ATAD3A: variants seen among roughly 807,000 people sequenced by gnomAD.
ATAD3A encodes ATPase family AAA domain containing 3A, also known as ATPase family AAA domain-containing protein 3A.
In ATAD3A, 46 loss-of-function variants were observed where a neutral mutation model predicts 73.8. The observed-to-expected ratio is 0.62, with a 90% CI of 0.49 to 0.80. ATAD3A has a LOEUF of 0.80. Among genes scored for constraint, ATAD3A ranks in the 30% least tolerant of loss-of-function variants. ATAD3A has a pLI of 0.00. For missense variants in ATAD3A, 705 were observed against 838.0 expected (o/e 0.84, Z 1.96); for synonymous variants, 319 against 350.0 (o/e 0.91, Z 0.99).
intron 4 of ATAD3A, among the ~76,000 whole-genome samples, chr1:1,518,040 GAC>G (rs1557459557): frequency 1.3e-5 from 2 of 151,252 alleles, no homozygotes; most frequent in Non-Finnish European, 3.0e-5. Context: ...AGCACACACA[GAC>G]AGGTGCACCC....
chr1:1,534,597 G>A lies in ATAD3A; in HGVS notation c.*525G>A, dbSNP rs1001505289. The A allele has an allele frequency of 2.4e-5, 5 of 211,924 alleles. No homozygotes were observed. Among genetic ancestry groups the A allele is most frequent in the Non-Finnish European group, 2.7e-5 (3 of 110,812 alleles). 13.1% of individuals were successfully genotyped at this position (211,924 alleles called of 1,614,324 possible). ...GGAGGGAGGAGGGAACCTGGCGGGG[G>A]TGTCTGAGGCCGCACTGTCAGCTGG... On this transcript the variant is annotated 3_prime_UTR_variant, in exon 16 of 16. Transcript: ENST00000378756.
chr1:1,533,713 G>A (rs1174876098), intron 15 of ATAD3A, among the ~76,000 whole-genome samples: 1 of 151,736 alleles, frequency 6.6e-6, no homozygotes, highest in African/African-American at 2.4e-5. Flanking sequence ...CAACAGCAGT[G>A]CTGAGGACGC....
intron 8 of ATAD3A, 86 bp downstream of exon 8, chr1:1,522,985 C>A: frequency 6.5e-7 from 1 of 1,540,748 alleles, no homozygotes. Flanking sequence ...CACACCCTCC[C>A]GTCCCTTCCC....
In ATAD3A at chr1:1,520,210, C is replaced by T. The variant is rs757888186; in HGVS notation, c.584C>T (p.Ala195Val). 42 of 1,611,930 alleles carry T rather than the reference C, an allele frequency of 2.6e-5. 1 individual carries two copies. The South Asian group carries it at 3.5e-4, about 13-fold the overall frequency. ...CTGCGAGTGGAGGCCGAGGCCCGGG[C>T]GCGCGCCAAGGCCGAGCGGGAGAAT... ...EMLRVEAEAR[A>V]RAKAERENAD... The change falls in exon 6 of 16, where the codon GCG (alanine) becomes GTG (valine). Residue 195 changes from alanine to valine, a missense_variant. Coordinates refer to ENST00000378756, the MANE Select transcript of ATAD3A (RefSeq NM_001170535.3). This position sits in a 1 kb window ranked among gnomAD's most constrained non-coding sequence, Gnocchi z 4.0.
chr1:1,523,764 C>G lies in ATAD3A; in HGVS notation c.964-75C>G. 3 of 1,605,434 alleles carry G rather than the reference C, an allele frequency of 1.9e-6. No homozygotes were observed. In the African/African-American group the frequency reaches 4.0e-5, roughly 21 times the overall value. ...CCGAGGAGCCGAGTCTGCACCCAGG[C>G]ATTCCCGCAGCCCCTTCCCCTGAGG... is the stretch of plus-strand genomic sequence containing the variant. On this transcript the variant is annotated intron_variant, in intron 9 of 15. Transcript: ENST00000378756. The surrounding 1 kb of genome is among the most constrained non-coding windows in gnomAD (Gnocchi z 5.1).
In ATAD3A at chr1:1,527,820, A is replaced by G. The variant is rs1641902354; in HGVS notation, c.1463A>G (p.Tyr488Cys). The change falls in exon 14 of 16, where the codon TAT (tyrosine) becomes TGT (cysteine). Residue 488 changes from tyrosine (Y) to cysteine (C), a missense_variant. By Grantham distance (194) the Tyr-to-Cys change is radical (BLOSUM62 -2). This residue lies in a region of ATAD3A where 252 missense variants were observed against 278.5 expected (regional missense o/e 0.90). Coordinates refer to ENST00000378756, the MANE Select transcript of ATAD3A (RefSeq NM_001170535.3). Reference protein sequence around the residue: ...QEERERLVRMYFDKYVLKPAT... With the variant: ...QEERERLVRMCFDKYVLKPAT... ...GAACGGGAGCGCCTGGTGAGAATGT[A>G]TTTTGACAAGTATGTTCTTAAGCCG... 6.2e-7 allele frequency: 1 copy of G among 1,613,958 alleles called. No homozygotes were observed. Among genetic ancestry groups the G allele is most frequent in the Non-Finnish European group, 8.5e-7 (1 of 1,179,974 alleles).
intron 7 of ATAD3A, among the ~76,000 whole-genome samples, chr1:1,522,088 GGAGT>G (rs1641619426): frequency 6.6e-6 from 1 of 152,074 alleles, no homozygotes; most frequent in Non-Finnish European, 1.5e-5. Context: ...TGCATAGGCT[GGAGT>G]GTAGTGGCGC....
rs760449673 is a variant in ATAD3A at position 1,520,152 on chromosome 1, C to T, written c.526C>T (p.Arg176Trp). ...QEAMRRATVE[R>W]EMELRHKNEM... ...CCTCTCTGGGGCAGCCACCGTGGAG[C>T]GGGAGATGGAGCTGCGGCACAAGAA... Residue 176 changes from arginine to tryptophan, a missense_variant, in exon 6 of 16, where the codon CGG becomes TGG. Physicochemically the swap from Arg to Trp is moderately radical, Grantham distance 101 (BLOSUM62 -3). This residue lies in a region of ATAD3A where 315 missense variants were observed against 334.1 expected (regional missense o/e 0.94). Transcript: ENST00000378756. The surrounding 1 kb of genome is among the most constrained non-coding windows in gnomAD (Gnocchi z 4.0). 1.3e-5 allele frequency: 21 copies of T among 1,610,556 alleles called. No individual in the cohort carries two copies. Among genetic ancestry groups the T allele is most frequent in the African/African-American group, 2.7e-5 (2 of 74,860 alleles).
rs3118507 is a variant in ATAD3A at position 1,522,693 on chromosome 1, A to G, written c.751-51A>G. ...GCAGCCCCGTGCGTCTCCTGCTCTAAGAGGGAGGGACGGTGGGGGCCGGTG... is the reference window on the plus strand; with the variant it reads ...GCAGCCCCGTGCGTCTCCTGCTCTAGGAGGGAGGGACGGTGGGGGCCGGTG... On this transcript the variant is annotated intron_variant, in intron 7 of 15. Transcript: ENST00000378756. 331,339 of 1,601,360 alleles carry G rather than the reference A, an allele frequency of 0.21. 38,630 individuals are homozygous for G. Among genetic ancestry groups the G allele is most frequent in the Non-Finnish European group, 0.24 (279,547 of 1,172,668 alleles).
intron 5 of ATAD3A, 72 bp downstream of exon 5, chr1:1,519,062 C>A: frequency 6.2e-7 from 1 of 1,611,332 alleles, no homozygotes; most frequent in Non-Finnish European, 8.5e-7. Context: ...GCACTCTGAG[C>A]CTGAGTTCTG....
In ATAD3A at chr1:1,529,218, C is replaced by T. The variant is rs1379512425; in HGVS notation, c.1506-5C>T. ...GGCCGGCCCACTTGGGAACTCCTTCCCCAGGCGCCTGAAGCTGGCCCAGTT... is the reference window on the plus strand; with the variant it reads ...GGCCGGCCCACTTGGGAACTCCTTCTCCAGGCGCCTGAAGCTGGCCCAGTT... On this transcript the variant is annotated splice_polypyrimidine_tract_variant and splice_region_variant and intron_variant, in intron 14 of 15. Transcript: ENST00000378756. 1.9e-6 allele frequency: 3 copies of T among 1,607,820 alleles called. No individual in the cohort carries two copies. In the South Asian group the frequency reaches 3.3e-5, roughly 18 times the overall value.
intron 12 of ATAD3A, among the ~76,000 whole-genome samples, chr1:1,525,605 G>A (rs111594279): frequency 2.6e-4 from 39 of 152,116 alleles, no homozygotes; most frequent in Non-Finnish European, 4.6e-4. Flanking sequence ...TAGCAGAGAC[G>A]GGGTTTCACC....
Position 1,523,464 on chromosome 1 carries a change from TGGCTGTGGCA to T in ATAD3A, c.907-44_907-35del, listed in dbSNP as rs1641677848. 1 of 1,600,908 alleles carries T rather than the reference TGGCTGTGGCA, an allele frequency of 6.2e-7. No individual in the cohort carries two copies. The highest frequency in any genetic ancestry group is 1.7e-5 in the Admixed American group (1 of 58,894). Reference sequence around the variant, plus strand: ...TGTGTGCGCGTTGGTGGCTGTTCCGTGGCTGTGGCAGGTGACCCGATGGCGCTTCCCCTTC... The same window carrying T: ...TGTGTGCGCGTTGGTGGCTGTTCCGTGGTGACCCGATGGCGCTTCCCCTTC... On this transcript the variant is annotated intron_variant, in intron 8 of 15. Coordinates refer to ENST00000378756, the MANE Select transcript of ATAD3A (RefSeq NM_001170535.3). This position sits in a 1 kb window ranked among gnomAD's most constrained non-coding sequence, Gnocchi z 5.1.
At position 1,523,489 on chromosome 1, in the gene ATAD3A, G is replaced by T. The variant is rs1051186807; in HGVS notation, c.907-22G>T. 35 of 1,608,782 alleles carry T rather than the reference G, an allele frequency of 2.2e-5. No individual in the cohort carries two copies. Among genetic ancestry groups the T allele is most frequent in the Non-Finnish European group, 2.8e-5 (33 of 1,178,188 alleles). The stretch of plus-strand genomic sequence containing the variant: ...TGGCTGTGGCAGGTGACCCGATGGC[G>T]CTTCCCCTTCCCCTCCGGCAGGTCA... On this transcript the variant is annotated intron_variant, in intron 8 of 15. Transcript: ENST00000378756. This position sits in a 1 kb window ranked among gnomAD's most constrained non-coding sequence, Gnocchi z 5.1.
chr1:1,519,238 T>A (rs1156842990), intron 5 of ATAD3A, among the ~76,000 whole-genome samples: 1 of 146,122 alleles, frequency 6.8e-6, no homozygotes, highest in Non-Finnish European at 1.5e-5. Flanking sequence ...GCCTTTTTTT[T>A]TTTTTTGAGA....
rs778297273 is a variant in ATAD3A at position 1,526,447 on chromosome 1, C to G, written c.1267-14C>G. The G allele has an allele frequency of 1.2e-6, 2 of 1,606,966 alleles. No homozygotes were observed. The highest frequency in any genetic ancestry group is 2.7e-5 in the African/African-American group (2 of 74,744). ...TTGCTCCTGGTGCCTAAGGCTGGAACCTTCTCTCTGCAGGAGAAGATAAGC... is the reference window on the plus strand; with the variant it reads ...TTGCTCCTGGTGCCTAAGGCTGGAAGCTTCTCTCTGCAGGAGAAGATAAGC... On this transcript the variant is annotated splice_polypyrimidine_tract_variant and intron_variant, in intron 12 of 15. Coordinates refer to ENST00000378756, the MANE Select transcript of ATAD3A (RefSeq NM_001170535.3).
chr1:1,521,080 A>G (rs1183803758), intron 7 of ATAD3A, among the ~76,000 whole-genome samples: 6 of 151,922 alleles, frequency 3.9e-5, no homozygotes, highest in African/African-American at 1.5e-4. Flanking sequence ...CGGGCGGATC[A>G]CGATATCGGG....
rs768695467 is a variant in ATAD3A at position 1,533,978 on chromosome 1, C to A, written c.1667C>A (p.Thr556Asn). 2 of 1,613,416 alleles carry A rather than the reference C, an allele frequency of 1.2e-6. No homozygotes were observed. Among genetic ancestry groups the A allele is most frequent in the African/African-American group, 2.7e-5 (2 of 74,876 alleles). Residue 556 changes from threonine to asparagine, a missense_variant, in exon 16 of 16, where the codon ACC (threonine) becomes AAC (asparagine). Thr to Asn is a moderately conservative substitution (Grantham distance 65). Coordinates refer to ENST00000378756, the MANE Select transcript of ATAD3A (RefSeq NM_001170535.3). ...GTCCTGACCGAGGCCATGATGGACA[C>A]CCGCGTGCAAGATGCTGTCCAGCAG... is the stretch of plus-strand genomic sequence containing the variant. ...DGVLTEAMMDTRVQDAVQQHQ... is the reference protein window; with the variant it reads ...DGVLTEAMMDNRVQDAVQQHQ...
At position 1,523,627 on chromosome 1, in the gene ATAD3A, G is replaced by C; in HGVS notation, c.963+60G>C. ...GGAGGGGACCCTGGAGCTGGGCCGG[G>C]CTGTGGCCCTTGCTGGCGCTCGTGG... On this transcript the variant is annotated intron_variant, in intron 9 of 15. Coordinates refer to ENST00000378756, the MANE Select transcript of ATAD3A (RefSeq NM_001170535.3). This position sits in a 1 kb window ranked among gnomAD's most constrained non-coding sequence, Gnocchi z 5.1. 1 of 1,608,874 alleles carries C rather than the reference G, an allele frequency of 6.2e-7. No homozygotes were observed. The highest frequency in any genetic ancestry group is 8.5e-7 in the Non-Finnish European group (1 of 1,177,966).
Sources: allele counts gnomAD v4.1 joint callset (sites outside exome capture counted in the v4.1 genomes callset), GRCh38; gene constraint gnomAD v4.1.1; regional missense constraint gnomAD v4.1.1; non-coding constraint Gnocchi (gnomAD v3.1); transcripts MANE v1.5; gene names NCBI Gene and HGNC (gene_info 2026-07-23, HGNC 2026-07-21).